The following ARB2A variants were observed in gnomAD, a reference collection of about 807,000 sequenced individuals.
ARB2A encodes the protein ARB2 cotranscriptional regulator A.
At chr5:93,813,155 A>G in the ARB2A span, among the ~76,000 whole-genome samples, 6 of 152,192 alleles carry the variant, frequency 3.9e-5, no homozygotes, top group African/African-American at 1.4e-4. Flanking sequence ...CATTTTTGTT[A>G]TATCATTGGT....
chr5:93,916,028 T>C, the ARB2A span, among the ~76,000 whole-genome samples: 1 of 152,154 alleles, frequency 6.6e-6, no homozygotes, highest in African/African-American at 2.4e-5. Context: ...ATGCTTTCCA[T>C]ATCACAGTAA....
chr5:94,095,697 A>G, the ARB2A span, among the ~76,000 whole-genome samples: 3 of 151,994 alleles, frequency 2.0e-5, no homozygotes, highest in Non-Finnish European at 1.5e-5. Context: ...ATAGTATCCT[A>G]TACATACTTC....
At chr5:93,827,423 G>A in the ARB2A span, among the ~76,000 whole-genome samples, 51 of 152,022 alleles carry the variant, frequency 3.4e-4, no homozygotes, top group Admixed American at 7.2e-4. Context: ...CATATCCTTC[G>A]CCCACTTTTT....
chr5:93,672,074 A>T, the ARB2A span, among the ~76,000 whole-genome samples: 9 of 152,170 alleles, frequency 5.9e-5, no homozygotes, highest in Non-Finnish European at 1.2e-4. Flanking sequence ...ATTAGCTCCA[A>T]ATCTTAAAGA....
the ARB2A span, among the ~76,000 whole-genome samples, chr5:93,642,195 C>CTT: frequency 1.5e-5 from 2 of 137,914 alleles, no homozygotes; most frequent in African/African-American, 2.7e-5. Context: ...GTTGCCTAGG[C>CTT]TTTTTTTTTT....
chr5:93,756,769 G>T, the ARB2A span, among the ~76,000 whole-genome samples: 2 of 151,990 alleles, frequency 1.3e-5, no homozygotes, highest in African/African-American at 4.8e-5. Flanking sequence ...CACCCAAATG[G>T]GAAGGAACCA....
chr5:93,656,362 T>A, the ARB2A span, among the ~76,000 whole-genome samples: 1 of 152,198 alleles, frequency 6.6e-6, no homozygotes, highest in Non-Finnish European at 1.5e-5. Flanking sequence ...ATAAGCCTGT[T>A]ATTCTCAGTA....
chr5:93,949,174 G>A, the ARB2A span, among the ~76,000 whole-genome samples: 24,718 of 151,772 alleles, frequency 0.16, 2,582 homozygotes, highest in Non-Finnish European at 0.23. Flanking sequence ...ATTTTTGTAC[G>A]TACCTAGGTG....
At chr5:93,763,894 T>C in the ARB2A span, among the ~76,000 whole-genome samples, 1 of 152,270 alleles carries the variant, frequency 6.6e-6, no homozygotes, top group South Asian at 2.1e-4. Context: ...ATTAGGAAAC[T>C]CACTCAAAAC....
At chr5:93,703,586 A>G in the ARB2A span, among the ~76,000 whole-genome samples, 43 of 152,202 alleles carry the variant, frequency 2.8e-4, no homozygotes, top group Admixed American at 2.8e-3. Context: ...GGTTTTTGCG[A>G]ATCAATAAGA....
At chr5:93,950,727 G>A in the ARB2A span, among the ~76,000 whole-genome samples, 10 of 151,748 alleles carry the variant, frequency 6.6e-5, no homozygotes, top group Non-Finnish European at 1.3e-4. Context: ...GACAGATCAC[G>A]AGGTCAGAAG....
chr5:93,875,251 A>C, the ARB2A span, among the ~76,000 whole-genome samples: 1 of 151,400 alleles, frequency 6.6e-6, no homozygotes, highest in Non-Finnish European at 1.5e-5. Flanking sequence ...TTTTTTTTTG[A>C]GACGGAGTCT....
At chr5:93,883,918 TACAC>T in the ARB2A span, among the ~76,000 whole-genome samples, 1 of 68,326 alleles carries the variant, frequency 1.5e-5, no homozygotes, top group African/African-American at 5.3e-5. Flanking sequence ...CACATACACA[TACAC>T]ATACACACAC....
At chr5:93,936,424 G>A in the ARB2A span, among the ~76,000 whole-genome samples, 1 of 152,098 alleles carries the variant, frequency 6.6e-6, no homozygotes, top group African/African-American at 2.4e-5. Flanking sequence ...CCAAAGTAAA[G>A]GGAGGAGCAA....
At chr5:93,740,562 G>C in the ARB2A span, 1 of 1,578,894 alleles carries the variant, frequency 6.3e-7, no homozygotes, top group East Asian at 2.3e-5. Flanking sequence ...GCCGTGAAGG[G>C]CAAGCCCCTC....
the ARB2A span, chr5:94,074,539 C>T: frequency 0.77 from 615,146 of 799,244 alleles, 240,370 homozygotes; most frequent in South Asian, 0.85. Flanking sequence ...ACTTTAGGTA[C>T]TTATATTCTT....
the ARB2A span, among the ~76,000 whole-genome samples, chr5:94,076,094 T>C: frequency 4.6e-5 from 7 of 152,236 alleles, no homozygotes; most frequent in African/African-American, 1.4e-4. Flanking sequence ...TTTTAATTGC[T>C]GTAAACAAAT....
chr5:94,076,537 C>T, the ARB2A span, among the ~76,000 whole-genome samples: 1 of 152,168 alleles, frequency 6.6e-6, no homozygotes, highest in African/African-American at 2.4e-5. Context: ...AACTGCCAAG[C>T]AGCCACAAAG....
chr5:94,024,770 G>C, the ARB2A span, among the ~76,000 whole-genome samples: 1 of 152,166 alleles, frequency 6.6e-6, no homozygotes, highest in Non-Finnish European at 1.5e-5. Flanking sequence ...TAAATATTCT[G>C]CAAGCAGATG....
Sources: allele counts gnomAD v4.1 joint callset (sites outside exome capture counted in the v4.1 genomes callset), GRCh38; gene constraint gnomAD v4.1.1; transcripts MANE v1.5; gene names NCBI Gene and HGNC (gene_info 2026-07-23, HGNC 2026-07-21).